The following RNF128 variants were observed in gnomAD, a reference collection of about 807,000 sequenced individuals.
The protein encoded by RNF128 is ring finger protein 128.
RNF128 carries 13 observed loss-of-function variants against 26.2 expected under a neutral mutation model. That is an observed-to-expected ratio of 0.50 (90% CI 0.32 to 0.79). The LOEUF is 0.79. Among genes scored for constraint, RNF128 ranks in the 30% least tolerant of loss-of-function variants. The pLI, the probability that RNF128 is intolerant of heterozygous loss-of-function variation, is 0.03. For missense variants in RNF128, 315 were observed against 349.7 expected (o/e 0.90, Z 0.79); for synonymous variants, 149 against 142.5 (o/e 1.05, Z -0.32).
At chrX:106,695,337 C>T (rs1175189764) in intron 1 of RNF128, among the ~76,000 whole-genome samples, 1 of 110,629 alleles carries the variant, frequency 9.0e-6, no homozygotes, top group Admixed American at 9.6e-5. Context: ...AAAATTAATG[C>T]AAATTAAATT....
At chrX:106,788,719 T>G (rs1930740056) in intron 4 of RNF128, among the ~76,000 whole-genome samples, 1 of 65,289 alleles carries the variant, frequency 1.5e-5, no homozygotes, top group African/African-American at 6.2e-5. Context: ...ATATATAGTA[T>G]ATTTTAAATA....
intron 1 of RNF128, among the ~76,000 whole-genome samples, chrX:106,755,191 T>C (rs1269580131): frequency 1.8e-5 from 2 of 111,348 alleles, no homozygotes; most frequent in Non-Finnish European, 3.8e-5. Context: ...ACACAGAACC[T>C]TCCATGATTG....
At chrX:106,769,098 T>G (rs781556054) in intron 1 of RNF128, among the ~76,000 whole-genome samples, 2 of 112,191 alleles carry the variant, frequency 1.8e-5, no homozygotes, top group African/African-American at 6.5e-5. Context: ...ATAATTTCTG[T>G]TCTTTTACAT....
intron 1 of RNF128, among the ~76,000 whole-genome samples, chrX:106,701,456 T>C (rs1475611099): frequency 1.8e-5 from 2 of 111,582 alleles, no homozygotes; most frequent in African/African-American, 3.2e-5. Context: ...TGTGTGTCGA[T>C]AGATACAGAT....
intron 1 of RNF128, among the ~76,000 whole-genome samples, chrX:106,737,323 A>C (rs190402748): frequency 2.7e-5 from 3 of 110,097 alleles, no homozygotes; most frequent in Admixed American, 9.9e-5. Flanking sequence ...GTGCTGCTAG[A>C]TTTTCAAGTA....
intron 2 of RNF128, among the ~76,000 whole-genome samples, chrX:106,779,390 T>TGTGTGC (rs58157584): frequency 9.4e-6 from 1 of 106,546 alleles, no homozygotes; most frequent in African/African-American, 3.4e-5. Context: ...TGTGTGTGTG[T>TGTGTGC]TGAGGATACT....
chrX:106,706,855 A>G (rs1158980783), intron 1 of RNF128, among the ~76,000 whole-genome samples: 1 of 112,119 alleles, frequency 8.9e-6, no homozygotes, highest in Non-Finnish European at 1.9e-5. Context: ...AGTAAAAACT[A>G]CGGTAGTAGC....
chrX:106,699,505 G>T (rs181421194), intron 1 of RNF128, among the ~76,000 whole-genome samples: 1 of 110,704 alleles, frequency 9.0e-6, no homozygotes, highest in African/African-American at 3.3e-5. Context: ...GCCAGCTCTC[G>T]CACTGACTAC....
intron 1 of RNF128, among the ~76,000 whole-genome samples, chrX:106,751,501 G>A (rs1929884425): frequency 9.0e-6 from 1 of 110,837 alleles, no homozygotes; most frequent in South Asian, 3.9e-4. Context: ...CAAAAGGACT[G>A]CAATTTTGAG....
chrX:106,769,506 A>G (rs1250806546), intron 1 of RNF128, among the ~76,000 whole-genome samples: 2 of 103,691 alleles, frequency 1.9e-5, no homozygotes, highest in African/African-American at 7.0e-5. Context: ...GTTGGTTTAA[A>G]GTCTGTTTGA....
At chrX:106,709,086 T>G (rs1157036273) in intron 1 of RNF128, among the ~76,000 whole-genome samples, 1 of 111,878 alleles carries the variant, frequency 8.9e-6, no homozygotes, top group Admixed American at 9.5e-5. Flanking sequence ...ATTACTATAT[T>G]CTATAACTCC....
At chrX:106,762,569 C>A (rs1440031931) in intron 1 of RNF128, among the ~76,000 whole-genome samples, 1 of 111,102 alleles carries the variant, frequency 9.0e-6, no homozygotes, top group African/African-American at 3.3e-5. Flanking sequence ...CCCCATCGGC[C>A]TCCCAAAGTG....
At chrX:106,792,098 C>T (rs1234669758) in intron 6 of RNF128, among the ~76,000 whole-genome samples, 1 of 110,681 alleles carries the variant, frequency 9.0e-6, no homozygotes, top group Non-Finnish European at 1.9e-5. Flanking sequence ...TGAATATAAC[C>T]ACACAAAGGC....
chrX:106,752,143 A>G (rs781242378), intron 1 of RNF128, among the ~76,000 whole-genome samples: 3 of 111,493 alleles, frequency 2.7e-5, no homozygotes, highest in African/African-American at 6.5e-5. Context: ...ACCACCCTGA[A>G]GGGAAAGACA....
At chrX:106,791,440 A>G (rs1930825082) in intron 6 of RNF128, among the ~76,000 whole-genome samples, 1 of 111,549 alleles carries the variant, frequency 9.0e-6, no homozygotes, top group Admixed American at 9.6e-5. Context: ...AATGCATCAG[A>G]GTGGGGATTA....
At chrX:106,727,478 C>T in intron 1 of RNF128, 81 bp downstream of exon 1, 1 of 1,119,819 alleles carries the variant, frequency 8.9e-7, no homozygotes, top group Non-Finnish European at 1.2e-6. Flanking sequence ...CCCTCCTCGT[C>T]CTATCCCCTT....
At chrX:106,784,691 G>C (rs909536017) in intron 2 of RNF128, among the ~76,000 whole-genome samples, 1 of 111,302 alleles carries the variant, frequency 9.0e-6, no homozygotes, top group East Asian at 2.8e-4. Flanking sequence ...AACAAGACAC[G>C]ATTCAAAAAG....
chrX:106,762,317 A>AT (rs756515596), intron 1 of RNF128, among the ~76,000 whole-genome samples: 6,001 of 94,846 alleles, frequency 0.063, 539 homozygotes, highest in African/African-American at 0.21. Context: ...TCCACTTTTG[A>AT]TTTTTTTTTT....
At chrX:106,717,096 A>G (rs1360400294) in intron 1 of RNF128, among the ~76,000 whole-genome samples, 19 of 110,007 alleles carry the variant, frequency 1.7e-4, no homozygotes, top group East Asian at 2.9e-4. Context: ...CCAGCTACTC[A>G]GGAGGCTGAG....
Sources: allele counts gnomAD v4.1 joint callset (sites outside exome capture counted in the v4.1 genomes callset), GRCh38; gene constraint gnomAD v4.1.1; transcripts MANE v1.5; gene names NCBI Gene and HGNC (gene_info 2026-07-23, HGNC 2026-07-21).